The following ABLIM3 variants were observed in gnomAD, a reference collection of about 807,000 sequenced individuals.
The protein encoded by ABLIM3 is actin-binding LIM protein 3.
In ABLIM3, 61 loss-of-function variants were observed where a neutral mutation model predicts 109.5. The observed-to-expected ratio is 0.56, with a 90% confidence interval of 0.45 to 0.69. The LOEUF (loss-of-function observed/expected upper bound fraction) is 0.69, where lower values mean the gene tolerates loss of function less well. ABLIM3 is among the 30% of genes least tolerant of loss of function. ABLIM3 has a pLI of 0.00. For missense variants in ABLIM3, 796 were observed against 889.5 expected, an observed-to-expected ratio of 0.89 and a Z score of 1.34; for synonymous variants, 300 against 324.8, an observed-to-expected ratio of 0.92 and a Z score of 0.82.
At chr5:149,218,784 C>T (rs1387074241) in intron 8 of ABLIM3, 2 of 152,368 alleles carry the variant, frequency 1.3e-5, no homozygotes, top group African/African-American at 4.8e-5. Flanking sequence ...TTAACACAGT[C>T]CTCTCTTCCC....
chr5:149,254,909 C>T (rs1047684833), intron 23 of ABLIM3, among the ~76,000 whole-genome samples: 2 of 152,154 alleles, frequency 1.3e-5, no homozygotes, highest in Admixed American at 6.5e-5. Context: ...TTTTTAAAAG[C>T]ACCCAAGGAT....
At chr5:149,176,277 A>T (rs1045311958) in intron 2 of ABLIM3, among the ~76,000 whole-genome samples, 9 of 152,172 alleles carry the variant, frequency 5.9e-5, no homozygotes, top group Non-Finnish European at 8.8e-5. Context: ...GGGATGCTGA[A>T]TTGCTCTTCC....
In ABLIM3 at chr5:149,246,430, C is replaced by T. The variant is rs549272298; in HGVS notation, c.1487-52C>T. On this transcript the variant is annotated intron_variant, in intron 16 of 23. Coordinates refer to ENST00000309868, the MANE Select transcript of ABLIM3 (RefSeq NM_014945.5). The stretch of plus-strand genomic sequence containing the variant: ...TTTTTAAAAAAAAAATGCCTTAAGC[C>T]AGGCTGAGTGGGGTGCACATGCCGG... The T allele has an allele frequency of 1.6e-5, 25 of 1,562,042 alleles. No homozygotes were observed. In the Admixed American group the frequency reaches 4.8e-4, roughly 30 times the overall value.
At position 149,183,520 on chromosome 5, in the gene ABLIM3, G is replaced by A; in HGVS notation, c.82G>A (p.Asp28Asn). 3 of 1,600,778 alleles carry A rather than the reference G, an allele frequency of 1.9e-6. No homozygotes were observed. Among genetic ancestry groups the A allele is most frequent in the African/African-American group, 1.3e-5 (1 of 74,126 alleles). Residue 28 changes from aspartate (D) to asparagine (N), a missense_variant, in exon 3 of 24, where the codon GAC becomes AAC. Coordinates refer to ENST00000309868, the MANE Select transcript of ABLIM3 (RefSeq NM_014945.5). ...SNVIQCYRCG[D>N]TCKGEVVRVH... ...TGTCATCCAGTGCTACCGCTGTGGAGACACCTGCAAAGGGGAAGTGGTCCG... is the reference window on the plus strand; with the variant it reads ...TGTCATCCAGTGCTACCGCTGTGGAAACACCTGCAAAGGGGAAGTGGTCCG...
intron 10 of ABLIM3, among the ~76,000 whole-genome samples, chr5:149,234,166 C>A (rs1373430681): frequency 2.0e-5 from 3 of 152,080 alleles, no homozygotes; most frequent in African/African-American, 7.3e-5. Context: ...AACAGAGGGA[C>A]CTGACAATCT....
At chr5:149,229,602 A>G (rs1017296800) in intron 8 of ABLIM3, among the ~76,000 whole-genome samples, 3 of 152,238 alleles carry the variant, frequency 2.0e-5, no homozygotes, top group African/African-American at 7.2e-5. Flanking sequence ...ACAAAGCATA[A>G]TATAAAGTAT....
chr5:149,217,657 C>T (rs970560501), intron 8 of ABLIM3: 2 of 153,014 alleles, frequency 1.3e-5, no homozygotes, highest in African/African-American at 4.8e-5. Flanking sequence ...TCTGCCCAGC[C>T]CACCATCCCA....
chr5:149,249,701 C>T (rs1010639785), intron 18 of ABLIM3, 114 bp from the exon 19 acceptor site: 1 of 1,323,128 alleles, frequency 7.6e-7, no homozygotes, highest in Non-Finnish European at 1.1e-6. Flanking sequence ...GCCCCTTTTC[C>T]CAGCCAGCCA....
At chr5:149,213,710 G>A (rs895493318) in intron 7 of ABLIM3, among the ~76,000 whole-genome samples, 3 of 152,098 alleles carry the variant, frequency 2.0e-5, no homozygotes, top group African/African-American at 7.2e-5. Context: ...GAGAGTTACC[G>A]TTGTTTAGCA....
intron 19 of ABLIM3, among the ~76,000 whole-genome samples, chr5:149,250,212 G>A (rs1429850988): frequency 6.6e-6 from 1 of 152,214 alleles, no homozygotes; most frequent in Non-Finnish European, 1.5e-5. Context: ...GTCAAGGATA[G>A]AAGAGTGTAT....
At chr5:149,232,092 G>T (rs1441809508) in intron 9 of ABLIM3, among the ~76,000 whole-genome samples, 1 of 152,180 alleles carries the variant, frequency 6.6e-6, no homozygotes, top group Non-Finnish European at 1.5e-5. Context: ...AATCACTTGA[G>T]GTCAGTAGTT....
chr5:149,185,442 C>T (rs1361381003), intron 3 of ABLIM3, among the ~76,000 whole-genome samples: 1 of 152,072 alleles, frequency 6.6e-6, no homozygotes, highest in African/African-American at 2.4e-5. Flanking sequence ...TGCTGTTGGC[C>T]AAAACAAGCC....
Position 149,259,022 on chromosome 5 carries a change from C to T in ABLIM3, c.*618C>T. The T allele has an allele frequency of 1.0e-6, 1 of 1,000,876 alleles. No individual in the cohort carries two copies. Among genetic ancestry groups the T allele is most frequent in the African/African-American group, 1.7e-5 (1 of 57,584 alleles). The allele number at this position is 1,000,876 out of a possible 1,614,324, so 62.0% of individuals were successfully genotyped here. ...TCTCCTCAGCTCCTTAACCCTCCTC[C>T]TTCTGCCCTGGATTGTAACCTCTCC... is the stretch of plus-strand genomic sequence containing the variant. On this transcript the variant is annotated 3_prime_UTR_variant, in exon 24 of 24. Transcript: ENST00000309868.
chr5:149,240,135 G>T (rs1440299888), intron 13 of ABLIM3, among the ~76,000 whole-genome samples: 3 of 152,228 alleles, frequency 2.0e-5, no homozygotes, highest in Admixed American at 1.3e-4. Context: ...AGGAGAGGGG[G>T]CTGGCAGGTG....
chr5:149,194,621 G>C (rs926170682), intron 3 of ABLIM3, among the ~76,000 whole-genome samples: 2 of 152,208 alleles, frequency 1.3e-5, no homozygotes, highest in Non-Finnish European at 2.9e-5. Flanking sequence ...CTGCAGTTAC[G>C]TGCATCGACG....
chr5:149,167,873 G>T (rs1449911906), intron 2 of ABLIM3, among the ~76,000 whole-genome samples: 1 of 152,180 alleles, frequency 6.6e-6, no homozygotes, highest in Non-Finnish European at 1.5e-5. Context: ...AGTCAGAGAA[G>T]GGCCTTTGAC....
intron 21 of ABLIM3, 46 bp downstream of exon 21, chr5:149,251,465 T>C (rs768841467): frequency 6.2e-7 from 1 of 1,601,456 alleles, no homozygotes; most frequent in South Asian, 1.1e-5. Context: ...TGCCTCCAGA[T>C]GTACCACTCA....
At chr5:149,245,140 C>T in intron 16 of ABLIM3, 125 bp downstream of exon 16, 3 of 1,304,740 alleles carry the variant, frequency 2.3e-6, no homozygotes, top group Non-Finnish European at 3.1e-6. Flanking sequence ...GGGTTTATAA[C>T]TAAGGGTGTT....
intron 3 of ABLIM3, among the ~76,000 whole-genome samples, chr5:149,190,955 G>A (rs1757420541): frequency 6.6e-6 from 1 of 152,076 alleles, no homozygotes; most frequent in Non-Finnish European, 1.5e-5. Flanking sequence ...GTTTAAAGTG[G>A]TACTCAGAGG....
Sources: allele counts gnomAD v4.1 joint callset (sites outside exome capture counted in the v4.1 genomes callset), GRCh38; gene constraint gnomAD v4.1.1; transcripts MANE v1.5; gene names NCBI Gene and HGNC (gene_info 2026-07-23, HGNC 2026-07-21).